SLC2A1: variants seen among roughly 807,000 people sequenced by gnomAD.
SLC2A1 encodes solute carrier family 2, facilitated glucose transporter member 1.
A neutral mutation model predicts 46.6 loss-of-function variants in SLC2A1; 4 were observed. That is an observed-to-expected ratio of 0.09 (90% confidence interval 0.04 to 0.20). The LOEUF is 0.20. Ranked by LOEUF, SLC2A1 falls within the 10% of genes least tolerant of loss-of-function variation. The pLI is 1.00. For missense variants in SLC2A1, 352 were observed against 667.0 expected (o/e 0.53, Z 5.20); for synonymous variants, 253 against 270.0 (o/e 0.94, Z 0.62).
chr1:42,957,042 C>T (rs1643783868), intron 1 of SLC2A1, among the ~76,000 whole-genome samples: 1 of 152,202 alleles, frequency 6.6e-6, no homozygotes, highest in African/African-American at 2.4e-5. Context: ...CCCTTATCCA[C>T]TCAACAAATA....
intron 1 of SLC2A1, among the ~76,000 whole-genome samples, chr1:42,956,417 A>AAAAAAAAAAAC (rs1428996118): frequency 1.7e-5 from 2 of 116,118 alleles, no homozygotes; most frequent in Admixed American, 8.7e-5. Context: ...CAAAAAAAAA[A>AAAAAAAAAAAC]AAAAAAAAAA....
intron 1 of SLC2A1, among the ~76,000 whole-genome samples, chr1:42,947,497 G>C (rs1211018772): frequency 6.7e-6 from 1 of 148,430 alleles, no homozygotes; most frequent in Non-Finnish European, 1.5e-5. Flanking sequence ...CAAGGTGGGC[G>C]GATCATTTGA....
chr1:42,927,467 T>C lies in SLC2A1; in HGVS notation c.1278+138A>G. Reference sequence around the variant, plus strand: ...AGAACCCTGGAGTTGAGGTCAGCATTCTTGGTCATGTGACCTGGGCTTCCT... The same window carrying C: ...AGAACCCTGGAGTTGAGGTCAGCATCCTTGGTCATGTGACCTGGGCTTCCT... On this transcript the variant is annotated intron_variant, in intron 9 of 9. Coordinates refer to ENST00000426263, the MANE Select transcript of SLC2A1 (RefSeq NM_006516.4). This position sits in a 1 kb window ranked among gnomAD's most constrained non-coding sequence, Gnocchi z 5.3. The C allele has an allele frequency of 1.1e-6, 1 of 913,514 alleles. No individual in the cohort carries two copies. Among genetic ancestry groups the C allele is most frequent in the Non-Finnish European group, 1.8e-6 (1 of 569,490 alleles). The allele number at this position is 913,514 out of a possible 1,614,324, so 56.6% of individuals were successfully genotyped here. A position where few individuals can be genotyped will look rare whatever the true frequency, so the allele number is the denominator to read the frequency against.
At chr1:42,936,064 C>A (rs1004656479) in intron 2 of SLC2A1, among the ~76,000 whole-genome samples, 2 of 152,112 alleles carry the variant, frequency 1.3e-5, no homozygotes, top group African/African-American at 4.8e-5. Context: ...TAGACCACTG[C>A]CAGGAGGGGT....
intron 1 of SLC2A1, among the ~76,000 whole-genome samples, chr1:42,948,443 TC>T (rs1427751312): frequency 1.3e-5 from 2 of 152,104 alleles, no homozygotes; most frequent in African/African-American, 4.8e-5. Flanking sequence ...TGTTGCTCCA[TC>T]TTGTCCTCTT....
In SLC2A1 at chr1:42,929,551, G is replaced by A; in HGVS notation, c.867+42C>T. On this transcript the variant is annotated intron_variant, in intron 6 of 9. Coordinates refer to ENST00000426263, the MANE Select transcript of SLC2A1 (RefSeq NM_006516.4). The surrounding 1 kb of genome is among the most constrained non-coding windows in gnomAD (Gnocchi z 6.0). Reference sequence around the variant, plus strand: ...TGTTCACCATGCACACTTGACCAGAGGGCTTGGCTGGGGCACAGGAAGGGT... The same window carrying A: ...TGTTCACCATGCACACTTGACCAGAAGGCTTGGCTGGGGCACAGGAAGGGT... 6.4e-7 allele frequency: 1 copy of A among 1,570,482 alleles called. No individual in the cohort carries two copies. Among genetic ancestry groups the A allele is most frequent in the Non-Finnish European group, 8.7e-7 (1 of 1,143,720 alleles).
In SLC2A1 at chr1:42,930,191, T is replaced by A; in HGVS notation, c.517-156A>T. Reference sequence around the variant, plus strand: ...CTAGCATGAGCCCTGTTTCTCAGTTTCCTCATCGGTCACATGGGAAAAGTA... The same window carrying A: ...CTAGCATGAGCCCTGTTTCTCAGTTACCTCATCGGTCACATGGGAAAAGTA... On this transcript the variant is annotated intron_variant, in intron 4 of 9. Coordinates refer to ENST00000426263, the MANE Select transcript of SLC2A1 (RefSeq NM_006516.4). The surrounding 1 kb of genome is among the most constrained non-coding windows in gnomAD (Gnocchi z 6.2). The A allele has an allele frequency of 1.2e-6, 1 of 821,782 alleles. No homozygotes were observed. Among genetic ancestry groups the A allele is most frequent in the South Asian group, 1.6e-5 (1 of 63,684 alleles). The allele number at this position is 821,782 out of a possible 1,614,324, so 50.9% of individuals were successfully genotyped here.
At chr1:42,944,305 T>A (rs1042251060) in intron 1 of SLC2A1, among the ~76,000 whole-genome samples, 1 of 152,110 alleles carries the variant, frequency 6.6e-6, no homozygotes, top group Non-Finnish European at 1.5e-5. Flanking sequence ...GCCAGCAGGG[T>A]GTCAGCCCTG....
rs1054674080 is a variant in SLC2A1 at position 42,958,608 on chromosome 1, G to A, written c.18+26C>T. 4.6e-5 allele frequency: 70 copies of A among 1,521,464 alleles called. 1 individual carries two copies. Among genetic ancestry groups the A allele is most frequent in the Non-Finnish European group, 1.1e-5 (13 of 1,140,170 alleles). The allele number at this position is 1,521,464 out of a possible 1,614,324, so 94.2% of individuals were successfully genotyped here. A position where few individuals can be genotyped will look rare whatever the true frequency, so the allele number is the denominator to read the frequency against. ...GGAGTCTGCGCCTTTGTTCCTGGCGGGAGGGCCCGCGGGCGCGCGACTCAC... is the reference window on the plus strand; with the variant it reads ...GGAGTCTGCGCCTTTGTTCCTGGCGAGAGGGCCCGCGGGCGCGCGACTCAC... On this transcript the variant is annotated intron_variant, in intron 1 of 9. Coordinates refer to ENST00000426263, the MANE Select transcript of SLC2A1 (RefSeq NM_006516.4).
intron 2 of SLC2A1, among the ~76,000 whole-genome samples, chr1:42,936,182 A>G (rs1643540706): frequency 6.6e-6 from 1 of 152,118 alleles, no homozygotes; most frequent in Non-Finnish European, 1.5e-5. Flanking sequence ...TCCCTGGGCC[A>G]GGTTTAGGCT....
intron 2 of SLC2A1, among the ~76,000 whole-genome samples, chr1:42,931,944 C>T (rs531998084): frequency 2.6e-5 from 4 of 152,322 alleles, no homozygotes; most frequent in African/African-American, 9.6e-5. Context: ...AGGCCCTCCC[C>T]CCAACCCCTT....
At position 42,926,695 on chromosome 1, in the gene SLC2A1, C is replaced by T. The variant is rs190760291; in HGVS notation, c.*346G>A. On this transcript the variant is annotated 3_prime_UTR_variant, in exon 10 of 10. Transcript: ENST00000426263. ...AGCTGGGTGAAGAAGGCAAGTGTCT[C>T]GACAGGGCTTAGTCTCCACCCTCAG... The T allele has an allele frequency of 1.1e-3, 1,439 of 1,336,812 alleles. 3 individuals carry two copies. The highest frequency in any genetic ancestry group is 5.4e-3 in the Middle Eastern group (27 of 4,990). The allele number at this position is 1,336,812 out of a possible 1,614,324, so 82.8% of individuals were successfully genotyped here.
Position 42,931,213 on chromosome 1 carries a change from G to A in SLC2A1, c.115-7C>T. 2 of 1,612,996 alleles carry A rather than the reference G, an allele frequency of 1.2e-6. No homozygotes were observed. The highest frequency in any genetic ancestry group is 1.7e-6 in the Non-Finnish European group (2 of 1,179,068). On this transcript the variant is annotated splice_region_variant and splice_polypyrimidine_tract_variant and intron_variant, in intron 2 of 9. Transcript: ENST00000426263. ...TGTAGAACTCCTCGATCACCTGCAG[G>A]GGGAGATGCAGCCTGGGTGAGCAAG...
rs1383114037 is a variant in SLC2A1 at position 42,927,080 on chromosome 1, C to T, written c.1440G>A (p.Glu480=). ...GGASQSDKTP[E]ELFHPLGADS... is the part of the protein sequence containing the mutation. Reference sequence around the variant, plus strand: ...CAGCCCCCAGGGGATGGAACAGCTCCTCGGGTGTCTTGTCACTTTGGCTGG... The same window carrying T: ...CAGCCCCCAGGGGATGGAACAGCTCTTCGGGTGTCTTGTCACTTTGGCTGG... Residue 480 remains glutamate, a synonymous_variant, in exon 10 of 10, where the codon GAG becomes GAA. Coordinates refer to ENST00000426263, the MANE Select transcript of SLC2A1 (RefSeq NM_006516.4). The surrounding 1 kb of genome is among the most constrained non-coding windows in gnomAD (Gnocchi z 5.3). 1 of 1,614,078 alleles carries T rather than the reference C, an allele frequency of 6.2e-7. No homozygotes were observed. Among genetic ancestry groups the T allele is most frequent in the African/African-American group, 1.3e-5 (1 of 74,932 alleles).
At chr1:42,937,296 T>C (rs1643551995) in intron 2 of SLC2A1, among the ~76,000 whole-genome samples, 1 of 152,200 alleles carries the variant, frequency 6.6e-6, no homozygotes, top group South Asian at 2.1e-4. Flanking sequence ...TGACACTAAA[T>C]GACCAACAAG....
At chr1:42,956,763 T>C (rs1022124699) in intron 1 of SLC2A1, among the ~76,000 whole-genome samples, 7 of 152,186 alleles carry the variant, frequency 4.6e-5, no homozygotes, top group African/African-American at 1.7e-4. Flanking sequence ...CCTTTGAAGA[T>C]AGGCAAACTC....
Position 42,926,880 on chromosome 1 carries a change from G to A in SLC2A1, c.*161C>T. 6.7e-7 allele frequency: 1 copy of A among 1,484,936 alleles called. No individual in the cohort carries two copies. The highest frequency in any genetic ancestry group is 8.9e-7 in the Non-Finnish European group (1 of 1,123,992). 92.0% of individuals were successfully genotyped at this position (1,484,936 alleles called of 1,614,324 possible). On this transcript the variant is annotated 3_prime_UTR_variant, in exon 10 of 10. Coordinates refer to ENST00000426263, the MANE Select transcript of SLC2A1 (RefSeq NM_006516.4). ...TTTGTTAAAATCCTGGAGCCGTTAA[G>A]TCCTGAATATTCTTCTGGACATCAT...
In SLC2A1 at chr1:42,926,687, A is replaced by G. The variant is rs1643429779; in HGVS notation, c.*354T>C. The stretch of plus-strand genomic sequence containing the variant: ...TACAGATTAGCTGGGTGAAGAAGGC[A>G]AGTGTCTCGACAGGGCTTAGTCTCC... On this transcript the variant is annotated 3_prime_UTR_variant, in exon 10 of 10. Transcript: ENST00000426263. 5.3e-6 allele frequency: 7 copies of G among 1,328,032 alleles called. No homozygotes were observed. In the African/African-American group the frequency reaches 5.9e-5, roughly 11 times the overall value. 82.3% of individuals were successfully genotyped at this position (1,328,032 alleles called of 1,614,324 possible). A position where few individuals can be genotyped will look rare whatever the true frequency, so the allele number is the denominator to read the frequency against.
In SLC2A1 at chr1:42,926,025, T is replaced by C. The variant is rs886046334; in HGVS notation, c.*1016A>G. On this transcript the variant is annotated 3_prime_UTR_variant, in exon 10 of 10. Transcript: ENST00000426263. ...AGATTTTTGAGCAAGAGGACACTGA[T>C]GAGAGGTACGTGTAAGGGACTGGAT... is the stretch of plus-strand genomic sequence containing the variant. 17 of 152,510 alleles carry C rather than the reference T, an allele frequency of 1.1e-4. No individual in the cohort carries two copies. Among genetic ancestry groups the C allele is most frequent in the Admixed American group, 6.5e-5 (1 of 15,278 alleles). 9.4% of individuals were successfully genotyped at this position (152,510 alleles called of 1,614,324 possible).
Sources: gnomAD v4.1 joint callset for allele counts (sites outside exome capture counted in the v4.1 genomes callset) on GRCh38, gnomAD v4.1.1 for gene constraint, Gnocchi (gnomAD v3.1) non-coding constraint, MANE v1.5 for transcripts, NCBI Gene and HGNC (gene_info 2026-07-23, HGNC 2026-07-21) for gene names.